BCL11B: variants seen among roughly 807,000 people sequenced by gnomAD.
BCL11B encodes B-cell lymphoma/leukemia 11B.
A neutral mutation model predicts 49.9 loss-of-function variants in BCL11B; 8 were observed. That is an observed-to-expected ratio of 0.16 (90% CI 0.09 to 0.29). The LOEUF is 0.29. Ranked by LOEUF, BCL11B falls within the 10% of genes least tolerant of loss-of-function variation. The pLI is 1.00. For missense variants in BCL11B, 1,006 were observed against 1,351.0 expected (o/e 0.74, Z 4.00); for synonymous variants, 739 against 637.4 (o/e 1.16, Z -2.40).
Position 99,173,369 on chromosome 14 carries a change from T to A in BCL11B, c.*782A>T, listed in dbSNP as rs1595212033. 1 of 219,340 alleles carries A rather than the reference T, an allele frequency of 4.6e-6. No homozygotes were observed. Among genetic ancestry groups the A allele is most frequent in the Non-Finnish European group, 9.1e-6 (1 of 109,402 alleles). 13.6% of individuals were successfully genotyped at this position (219,340 alleles called of 1,614,324 possible). A position where few individuals can be genotyped will look rare whatever the true frequency, so the allele number is the denominator to read the frequency against. On this transcript the variant is annotated 3_prime_UTR_variant, in exon 4 of 4. Transcript: ENST00000357195. ...GGCGGCGCTGAGTCTGTGGGGTGCC[T>A]CCCCCAGCACCACCACTCAAGGTTT...
chr14:99,260,602 G>A (rs1419841653), intron 1 of BCL11B, among the ~76,000 whole-genome samples: 3 of 152,106 alleles, frequency 2.0e-5, no homozygotes, highest in Non-Finnish European at 4.4e-5. Flanking sequence ...CCTCAGCTTC[G>A]TCTTTTGCCA....
At chr14:99,187,916 A>C (rs1886903539) in intron 3 of BCL11B, among the ~76,000 whole-genome samples, 1 of 152,204 alleles carries the variant, frequency 6.6e-6, no homozygotes, top group Admixed American at 6.5e-5. Flanking sequence ...ATGGCAGAGC[A>C]GTAAATCTCA....
chr14:99,176,002 CG>C lies in BCL11B; in HGVS notation c.833del (p.Pro278ArgfsTer3). The part of the protein sequence containing the change: ...PLGPEAVAQS[P>X]LMNFLGDSNP... The stretch of plus-strand genomic sequence containing the variant: ...TGCTGTCGCCCAGGAAATTCATGAG[CG>C]GGGACTGCGCCACGGCCTCCGGCCC... On this transcript the variant is annotated frameshift_variant, in exon 4 of 4. Transcript: ENST00000357195. LOFTEE classifies it high-confidence loss of function. 1 of 1,537,386 alleles carries C rather than the reference CG, an allele frequency of 6.5e-7. No homozygotes were observed. Among genetic ancestry groups the C allele is most frequent in the East Asian group, 2.4e-5 (1 of 42,086 alleles).
rs544394342 is a variant in BCL11B at position 99,205,800 on chromosome 14, G to A, written c.640+25545C>T. On this transcript the variant is annotated intron_variant, in intron 3 of 3. Coordinates refer to ENST00000357195, the MANE Select transcript of BCL11B (RefSeq NM_138576.4). This position sits in a 1 kb window ranked among gnomAD's most constrained non-coding sequence, Gnocchi z 5.0. ...CATACCAGTTCCCGGGAGCAGTATG[G>A]TTCTTGACCACGGTGGACCAAGTCC... 1.3e-5 allele frequency among the ~76,000 whole-genome samples: 2 copies of A among 152,282 alleles called. No individual in the cohort carries two copies. The highest frequency in any genetic ancestry group is 4.1e-4 in the South Asian group (2 of 4,820).
chr14:99,268,096 T>C (rs1464985656), intron 1 of BCL11B, among the ~76,000 whole-genome samples: 1 of 152,170 alleles, frequency 6.6e-6, no homozygotes, highest in East Asian at 1.9e-4. Context: ...TAGCTGTGTC[T>C]GTCCTCTGCT....
chr14:99,224,874 C>T (rs973174397), intron 3 of BCL11B, among the ~76,000 whole-genome samples: 1 of 152,198 alleles, frequency 6.6e-6, no homozygotes, highest in Non-Finnish European at 1.5e-5. Context: ...CAGTCTAACA[C>T]GGGTCCACAA....
In BCL11B at chr14:99,172,706, GAGA is replaced by G. The variant is rs1886330392; in HGVS notation, c.*1442_*1444del. ...CAGTTTAACCCACCTCTGGGCCAAAGAGAAGAATATGCTGCAATTTCTTGTTTA... is the reference window on the plus strand; with the variant it reads ...CAGTTTAACCCACCTCTGGGCCAAAGAGAATATGCTGCAATTTCTTGTTTA... On this transcript the variant is annotated 3_prime_UTR_variant, in exon 4 of 4. Transcript: ENST00000357195. 5 of 216,968 alleles carry G rather than the reference GAGA, an allele frequency of 2.3e-5. No individual in the cohort carries two copies. The highest frequency in any genetic ancestry group is 1.4e-3 in the Middle Eastern group (1 of 728). 13.4% of individuals were successfully genotyped at this position (216,968 alleles called of 1,614,324 possible).
At chr14:99,260,395 T>A (rs1056156165) in intron 1 of BCL11B, among the ~76,000 whole-genome samples, 1 of 152,104 alleles carries the variant, frequency 6.6e-6, no homozygotes, top group South Asian at 2.1e-4. Flanking sequence ...TCGGTTTACT[T>A]TTTTGTTTGC....
intron 2 of BCL11B, among the ~76,000 whole-genome samples, chr14:99,234,234 A>C (rs1236992081): frequency 6.6e-6 from 1 of 152,088 alleles, no homozygotes; most frequent in Non-Finnish European, 1.5e-5. Flanking sequence ...CTTAGACAGG[A>C]GTGACGGCTG....
At chr14:99,269,730 C>G (rs564450109) in intron 1 of BCL11B, among the ~76,000 whole-genome samples, 3 of 151,142 alleles carry the variant, frequency 2.0e-5, no homozygotes, top group African/African-American at 7.3e-5. Context: ...GGCAGCCAGT[C>G]CTCTGCGGTG....
chr14:99,255,405 GAAAAAAAAAAAAA>G (rs67440207), intron 2 of BCL11B, among the ~76,000 whole-genome samples: 1,290 of 65,230 alleles, frequency 0.02, 21 homozygotes, highest in South Asian at 0.034. Context: ...TCACAACCTG[GAAAAAAAAAAAAA>G]AAAAAAAAAA....
intron 1 of BCL11B, among the ~76,000 whole-genome samples, chr14:99,269,993 GC>G (rs1889613415): frequency 6.6e-6 from 1 of 151,804 alleles, no homozygotes; most frequent in Non-Finnish European, 1.5e-5. Flanking sequence ...GCGGGCTGCG[GC>G]GGGCGGGGAG....
At chr14:99,209,061 T>A (rs181369850) in intron 3 of BCL11B, among the ~76,000 whole-genome samples, 4 of 152,022 alleles carry the variant, frequency 2.6e-5, no homozygotes, top group African/African-American at 9.7e-5. Flanking sequence ...TTTACTAAAA[T>A]GTGTCTAGGA....
intron 3 of BCL11B, among the ~76,000 whole-genome samples, chr14:99,223,256 G>C (rs1393154988): frequency 1.3e-5 from 2 of 152,284 alleles, no homozygotes; most frequent in East Asian, 3.9e-4. Context: ...GGAAGATATT[G>C]GCACTCTCTT....
At position 99,195,540 on chromosome 14, in the gene BCL11B, A is replaced by C. The variant is rs1305898920; in HGVS notation, c.641-19345T>G. Among the ~76,000 whole-genome samples the C allele has an allele frequency of 6.6e-6, 1 of 152,098 alleles. No individual in the cohort carries two copies. The highest frequency in any genetic ancestry group is 2.4e-5 in the African/African-American group (1 of 41,400). On this transcript the variant is annotated intron_variant, in intron 3 of 3. Transcript: ENST00000357195. The surrounding 1 kb of genome is among the most constrained non-coding windows in gnomAD (Gnocchi z 4.7). ...TTGCTGAGCACTTGCTGAGTGCCTC[A>C]GTGTATCTTCGTGAACCCCCACAAG...
At position 99,175,066 on chromosome 14, in the gene BCL11B, C is replaced by T. The variant is rs749668044; in HGVS notation, c.1770G>A (p.Glu590=). 1 of 1,599,904 alleles carries T rather than the reference C, an allele frequency of 6.3e-7. No homozygotes were observed. The highest frequency in any genetic ancestry group is 1.1e-5 in the South Asian group (1 of 90,982). ...GGGAAKALAD[E]KALVLGKVME... ...TGACCTTGCCCAGCACCAGCGCCTTCTCGTCAGCCAGCGCCTTGGCCGCGC... is the reference window on the plus strand; with the variant it reads ...TGACCTTGCCCAGCACCAGCGCCTTTTCGTCAGCCAGCGCCTTGGCCGCGC... Residue 590 remains glutamate (E), a synonymous_variant, in exon 4 of 4, where the codon GAG becomes GAA. Transcript: ENST00000357195.
In BCL11B at chr14:99,197,082, T is replaced by C. The variant is rs111523590; in HGVS notation, c.641-20887A>G. Among the ~76,000 whole-genome samples the C allele has an allele frequency of 4.2e-3, 643 of 152,152 alleles. 3 individuals carry two copies. Among genetic ancestry groups the C allele is most frequent in the Middle Eastern group, 6.8e-3 (2 of 294 alleles). ...GGAAGCATACTCATTTTGTTACAGG[T>C]GAAGGAACTGAGGCCCAACACCAGA... On this transcript the variant is annotated intron_variant, in intron 3 of 3. Coordinates refer to ENST00000357195, the MANE Select transcript of BCL11B (RefSeq NM_138576.4).
chr14:99,170,546 G>C lies in BCL11B; in HGVS notation c.*3605C>G. 1 of 230,088 alleles carries C rather than the reference G, an allele frequency of 4.3e-6. No homozygotes were observed. Among genetic ancestry groups the C allele is most frequent in the Middle Eastern group, 1.3e-3 (1 of 776 alleles). 14.3% of individuals were successfully genotyped at this position (230,088 alleles called of 1,614,324 possible). ...AGAGGATTAGGGGAGGAACAGACAG[G>C]AAGAAAAGAAATTAAATAAAAAATG... On this transcript the variant is annotated 3_prime_UTR_variant, in exon 4 of 4. Transcript: ENST00000357195.
rs1029333696 is a variant in BCL11B at position 99,175,619 on chromosome 14, G to A, written c.1217C>T (p.Thr406Met). The change falls in exon 4 of 4, where the codon ACG (threonine) becomes ATG (methionine). Residue 406 changes from threonine (T) to methionine (M), a missense_variant. Thr to Met is a moderately conservative substitution (Grantham distance 81, BLOSUM62 -1). This residue lies in a region of BCL11B where 97 missense variants were observed against 81.5 expected (regional missense o/e 1.19). Coordinates refer to ENST00000357195, the MANE Select transcript of BCL11B (RefSeq NM_138576.4). The part of the protein sequence containing the change: ...QPSPKSPFLS[T>M]PPLPPMPPGG... Reference sequence around the variant, plus strand: ...AGGGGGCATGGGCGGCAGCGGCGGCGTGCTCAGGAACGGGGACTTGGGGCT... The same window carrying A: ...AGGGGGCATGGGCGGCAGCGGCGGCATGCTCAGGAACGGGGACTTGGGGCT... 2.6e-6 allele frequency: 4 copies of A among 1,562,610 alleles called. No individual in the cohort carries two copies. The highest frequency in any genetic ancestry group is 1.4e-5 in the African/African-American group (1 of 72,320).
Sources: allele counts gnomAD v4.1 joint callset (sites outside exome capture counted in the v4.1 genomes callset), GRCh38; gene constraint gnomAD v4.1.1; regional missense constraint gnomAD v4.1.1; non-coding constraint Gnocchi (gnomAD v3.1); transcripts MANE v1.5; gene names NCBI Gene and HGNC (gene_info 2026-07-23, HGNC 2026-07-21).